ANKMY1: variants seen among roughly 807,000 people sequenced by gnomAD.
The protein encoded by ANKMY1 is ankyrin repeat and MYND domain-containing protein 1.
A neutral mutation model predicts 102.0 loss-of-function variants in ANKMY1; 98 were observed. The ratio of observed to expected loss-of-function variants is 0.96; its 90% CI spans 0.82 to 1.14. The LOEUF (loss-of-function observed/expected upper bound fraction) is 1.14, where lower values mean the gene tolerates loss of function less well. ANKMY1 is among the 50% of genes most tolerant of loss of function. The pLI is 0.00. For synonymous variants in ANKMY1, 582 were observed against 559.9 expected, an observed-to-expected ratio of 1.04 and a Z score of -0.56; for missense variants, 1,330 against 1,347.6, an observed-to-expected ratio of 0.99 and a Z score of 0.20.
chr2:240,503,489 T>C (rs897985071), intron 13 of ANKMY1, among the ~76,000 whole-genome samples: 2 of 152,102 alleles, frequency 1.3e-5, no homozygotes, highest in Non-Finnish European at 2.9e-5. Flanking sequence ...GCCATCCAAA[T>C]GGCGGGGCCC....
At chr2:240,557,492 A>AC in intron 1 of ANKMY1, 140 bp from the exon 2 acceptor site, 1 of 949,582 alleles carries the variant, frequency 1.1e-6, no homozygotes, top group Non-Finnish European at 1.4e-6. Context: ...CTGGGCCGCC[A>AC]CCCACAGGTC....
At chr2:240,507,926 G>A in intron 12 of ANKMY1, 2 of 406,674 alleles carry the variant, frequency 4.9e-6, no homozygotes, top group Non-Finnish European at 8.7e-6. Flanking sequence ...GGGAGGAGCT[G>A]GAACTCCACC....
chr2:240,484,644 CAA>C (rs1234010439), intron 15 of ANKMY1, among the ~76,000 whole-genome samples: 9 of 152,268 alleles, frequency 5.9e-5, no homozygotes, highest in Admixed American at 2.6e-4. Context: ...TAGGCATAGG[CAA>C]AGACTTCATG....
chr2:240,527,130 G>C lies in ANKMY1; in HGVS notation c.954-685C>G, dbSNP rs1022200962. ...TGGGTGGGTGGGAAGATGGATGGAT[G>C]GGTGGGTGGATGAATAGATGGATAA... is the stretch of plus-strand genomic sequence containing the variant. On this transcript the variant is annotated intron_variant, in intron 5 of 17. Coordinates refer to ENST00000401804, the MANE Select transcript of ANKMY1 (RefSeq NM_001282771.3). The C allele has an allele frequency of 4.0e-5, 17 of 419,998 alleles. 1 individual carries two copies. Among genetic ancestry groups the C allele is most frequent in the Admixed American group, 6.3e-5 (1 of 15,930 alleles). 26.0% of individuals were successfully genotyped at this position (419,998 alleles called of 1,614,324 possible).
At chr2:240,486,642 T>C (rs756239185) in intron 15 of ANKMY1, among the ~76,000 whole-genome samples, 144 of 152,348 alleles carry the variant, frequency 9.5e-4, no homozygotes, top group Non-Finnish European at 1.1e-3. Context: ...GTTAACAGTT[T>C]ATCTAACTCT....
At chr2:240,534,853 A>G (rs2086342121) in intron 4 of ANKMY1, among the ~76,000 whole-genome samples, 1 of 152,152 alleles carries the variant, frequency 6.6e-6, no homozygotes, top group Non-Finnish European at 1.5e-5. Flanking sequence ...CAATAATCCC[A>G]GCACTTTCGG....
In ANKMY1 at chr2:240,538,313, C is replaced by T. The variant is rs551701764; in HGVS notation, c.481-8804G>A. Reference sequence around the variant, plus strand: ...CGCAGGCGGGAAATGGGGCTGCGAGCGGCGCTCAGGGGCCAGCGCGAGTTC... The same window carrying T: ...CGCAGGCGGGAAATGGGGCTGCGAGTGGCGCTCAGGGGCCAGCGCGAGTTC... On this transcript the variant is annotated intron_variant, in intron 4 of 17. Transcript: ENST00000401804. Among the ~76,000 whole-genome samples, 22 of 152,088 alleles carry T rather than the reference C, an allele frequency of 1.4e-4. 1 individual carries two copies. The highest frequency in any genetic ancestry group is 4.3e-4 in the African/African-American group (18 of 41,502).
Position 240,524,288 on chromosome 2 carries a change from G to A in ANKMY1, c.1429C>T (p.Gln477Ter). 2 of 1,613,796 alleles carry A rather than the reference G, an allele frequency of 1.2e-6. No individual in the cohort carries two copies. The highest frequency in any genetic ancestry group is 2.7e-5 in the African/African-American group (2 of 75,020). The change falls in exon 8 of 18, where the codon CAG (glutamine) becomes TAG (stop). Residue 477 changes from glutamine (Q) to a stop codon, truncating the protein, a stop_gained. Transcript: ENST00000401804. LOFTEE classifies it high-confidence loss of function. Reference protein sequence around the residue: ...SLYYEVNVPSQGSYELRPPPA... With the variant: ...SLYYEVNVPS ...GGTGGCCTCAGCTCATAGCTACCCT[G>A]GGAAGGCACGTTCACCTCATAGTAC...
chr2:240,485,347 C>G (rs1256177046), intron 15 of ANKMY1, among the ~76,000 whole-genome samples: 3 of 146,068 alleles, frequency 2.1e-5, no homozygotes, highest in Admixed American at 1.4e-4. Context: ...AAAAAAGAAA[C>G]AAAAATAGTC....
At chr2:240,512,625 C>A (rs1420546563) in intron 10 of ANKMY1, among the ~76,000 whole-genome samples, 177 bp downstream of exon 10, 1 of 152,252 alleles carries the variant, frequency 6.6e-6, no homozygotes, top group Non-Finnish European at 1.5e-5. Context: ...TCAAAACAAG[C>A]CCACTGGCTA....
In ANKMY1 at chr2:240,526,149, G is replaced by A; in HGVS notation, c.1170+80C>T. 2.0e-6 allele frequency: 3 copies of A among 1,520,952 alleles called. No homozygotes were observed. In the South Asian group the frequency reaches 3.4e-5, roughly 17 times the overall value. The allele number at this position is 1,520,952 out of a possible 1,614,324, so 94.2% of individuals were successfully genotyped here. ...TACCTCAGCTCTGCTCCTGCAGAGG[G>A]GGCCACAGAGGGCCACCCACATGTG... On this transcript the variant is annotated intron_variant, in intron 6 of 17. Transcript: ENST00000401804.
intron 15 of ANKMY1, among the ~76,000 whole-genome samples, chr2:240,494,324 C>T (rs2076985703): frequency 1.3e-5 from 2 of 152,176 alleles, no homozygotes; most frequent in African/African-American, 4.8e-5. Context: ...CTTCATGCTC[C>T]AGCATCACTG....
chr2:240,546,695 G>A (rs1011358723), intron 4 of ANKMY1, among the ~76,000 whole-genome samples: 23 of 152,104 alleles, frequency 1.5e-4, no homozygotes, highest in Non-Finnish European at 3.4e-4. Context: ...AACAAAAAAA[G>A]GCAGGGGTTG....
At chr2:240,475,773 A>ATACTGAATACCATAAATATATAAATAC (rs2074813873), downstream of ANKMY1, among the ~76,000 whole-genome samples, 1 of 151,918 alleles carries the variant, frequency 6.6e-6, no homozygotes, top group Admixed American at 6.5e-5. Context: ...TTTAGAATAT[A>ATACTGAATACCATAAATATATAAATAC]TACTGAATAC....
intron 4 of ANKMY1, among the ~76,000 whole-genome samples, chr2:240,537,653 G>A (rs2087164604): frequency 6.6e-6 from 1 of 152,190 alleles, no homozygotes; most frequent in South Asian, 2.1e-4. Context: ...ACGGAGGCCC[G>A]TGTTTCATGT....
At chr2:240,543,527 A>AT (rs954951519) in intron 4 of ANKMY1, among the ~76,000 whole-genome samples, 1 of 152,230 alleles carries the variant, frequency 6.6e-6, no homozygotes, top group Non-Finnish European at 1.5e-5. Flanking sequence ...CTTTCTGTGA[A>AT]TTTTTTGATA....
chr2:240,481,572 C>G (rs1468457104), intron 16 of ANKMY1, among the ~76,000 whole-genome samples: 1 of 152,134 alleles, frequency 6.6e-6, no homozygotes, highest in Non-Finnish European at 1.5e-5. Flanking sequence ...CTGTCCTGCA[C>G]CAGTCCCCTC....
chr2:240,488,991 C>A (rs1325918824), intron 15 of ANKMY1, among the ~76,000 whole-genome samples: 1 of 152,180 alleles, frequency 6.6e-6, no homozygotes, highest in Non-Finnish European at 1.5e-5. Flanking sequence ...CTGGCTAGGA[C>A]TTCCAGTACT....
intron 11 of ANKMY1, among the ~76,000 whole-genome samples, chr2:240,510,932 A>C (rs938390943): frequency 6.7e-6 from 1 of 148,270 alleles, no homozygotes; most frequent in Admixed American, 6.7e-5. Context: ...GGGAGCCTTG[A>C]CCAGCCGCCT....
Sources: allele counts gnomAD v4.1 joint callset (sites outside exome capture counted in the v4.1 genomes callset), GRCh38; gene constraint gnomAD v4.1.1; transcripts MANE v1.5; gene names NCBI Gene and HGNC (gene_info 2026-07-23, HGNC 2026-07-21).